Variants in ZBTB38 observed in about 807,000 individuals in gnomAD.
ZBTB38 encodes zinc finger and BTB domain containing 38.
Under a neutral mutation model 76.8 loss-of-function variants are expected in ZBTB38, and 20 were observed. That is an observed-to-expected ratio of 0.26 (90% CI 0.18 to 0.38). ZBTB38 has a LOEUF of 0.38. Ranked by LOEUF, ZBTB38 falls within the 10% of genes least tolerant of loss-of-function variation. The probability of loss-of-function intolerance (pLI) is 1.00; values close to 1 mark genes in which losing one functional copy is unlikely to be tolerated. For missense variants in ZBTB38, 1,082 were observed against 1,482.3 expected, an observed-to-expected ratio of 0.73 and a Z score of 4.43; for synonymous variants, 504 against 544.2, an observed-to-expected ratio of 0.93 and a Z score of 1.03.
At position 141,447,758 on chromosome 3, in the gene ZBTB38, G is replaced by A. The variant is rs1397611167; in HGVS notation, c.*1782G>A. 1 of 152,138 alleles carries A rather than the reference G, an allele frequency of 6.6e-6. No individual in the cohort carries two copies. Among genetic ancestry groups the A allele is most frequent in the Non-Finnish European group, 1.5e-5 (1 of 68,004 alleles). 9.4% of individuals were successfully genotyped at this position (152,138 alleles called of 1,614,324 possible). A position where few individuals can be genotyped will look rare whatever the true frequency, so the allele number is the denominator to read the frequency against. On this transcript the variant is annotated 3_prime_UTR_variant, in exon 6 of 6. Coordinates refer to ENST00000321464, the MANE Select transcript of ZBTB38 (RefSeq NM_001376113.1). Reference sequence around the variant, plus strand: ...AGAAGACTTAGTATGGATTTGGGTGGGTAAGAAAGCATTTAAACGCCCAGG... The same window carrying A: ...AGAAGACTTAGTATGGATTTGGGTGAGTAAGAAAGCATTTAAACGCCCAGG...
chr3:141,340,949 G>A (rs57163724), intron 1 of ZBTB38, among the ~76,000 whole-genome samples: 3,703 of 111,754 alleles, frequency 0.033, 105 homozygotes, highest in African/African-American at 0.061. Context: ...AAAGAAAGAA[G>A]GAAAGAAAGA....
At chr3:141,390,788 G>A (rs1948639018) in intron 4 of ZBTB38, among the ~76,000 whole-genome samples, 1 of 152,210 alleles carries the variant, frequency 6.6e-6, no homozygotes, top group Non-Finnish European at 1.5e-5. Flanking sequence ...GAGGGTGCTT[G>A]CAGGGAGGGG....
chr3:141,399,863 G>C (rs1226766292), intron 4 of ZBTB38, among the ~76,000 whole-genome samples: 1 of 152,080 alleles, frequency 6.6e-6, no homozygotes. Context: ...GAGATTAAAT[G>C]AATGAGGTAG....
At chr3:141,347,611 C>G (rs1217235692) in intron 1 of ZBTB38, among the ~76,000 whole-genome samples, 1 of 152,204 alleles carries the variant, frequency 6.6e-6, no homozygotes, top group Non-Finnish European at 1.5e-5. Flanking sequence ...GCCAGGTCAC[C>G]TAGGCTCCGG....
intron 4 of ZBTB38, among the ~76,000 whole-genome samples, chr3:141,398,589 G>C (rs1229914123): frequency 6.6e-6 from 1 of 151,894 alleles, no homozygotes. Context: ...TGAACCCTCA[G>C]TTCTTTGACA....
At chr3:141,379,910 A>T (rs1258261342) in intron 2 of ZBTB38, among the ~76,000 whole-genome samples, 1 of 152,230 alleles carries the variant, frequency 6.6e-6, no homozygotes, top group Non-Finnish European at 1.5e-5. Flanking sequence ...TTTTGTTTTT[A>T]GTTAAACAAA....
Position 141,442,719 on chromosome 3 carries a change from G to A in ZBTB38, c.331G>A (p.Gly111Arg). 6.2e-7 allele frequency: 1 copy of A among 1,614,100 alleles called. No individual in the cohort carries two copies. The highest frequency in any genetic ancestry group is 8.5e-7 in the Non-Finnish European group (1 of 1,180,024). ...QETVTDLAAAGKKLGISFLED... is the reference protein window; with the variant it reads ...QETVTDLAAARKKLGISFLED... Reference sequence around the variant, plus strand: ...AACAGTCACTGATCTCGCAGCTGCAGGAAAAAAGCTGGGAATATCGTTCTT... The same window carrying A: ...AACAGTCACTGATCTCGCAGCTGCAAGAAAAAAGCTGGGAATATCGTTCTT... The change falls in exon 6 of 6, where the codon GGA (glycine) becomes AGA (arginine). Residue 111 changes from glycine (G) to arginine (R), a missense_variant. Physicochemically the swap from Gly to Arg is moderately radical, Grantham distance 125. Coordinates refer to ENST00000321464, the MANE Select transcript of ZBTB38 (RefSeq NM_001376113.1). The surrounding 1 kb of genome is among the most constrained non-coding windows in gnomAD (Gnocchi z 6.4).
At chr3:141,417,264 T>C (rs1044262748) in intron 5 of ZBTB38, among the ~76,000 whole-genome samples, 1 of 152,212 alleles carries the variant, frequency 6.6e-6, no homozygotes, top group African/African-American at 2.4e-5. Context: ...CCATATGTCA[T>C]TGCACTGTAC....
At chr3:141,375,734 G>A (rs1419505255) in intron 2 of ZBTB38, among the ~76,000 whole-genome samples, 2 of 152,232 alleles carry the variant, frequency 1.3e-5, no homozygotes, top group African/African-American at 2.4e-5. Flanking sequence ...AGGCAGGGAT[G>A]AGTTGAAAGG....
chr3:141,393,777 G>T (rs1188447134), intron 4 of ZBTB38, among the ~76,000 whole-genome samples: 1 of 151,846 alleles, frequency 6.6e-6, no homozygotes, highest in Non-Finnish European at 1.5e-5. Flanking sequence ...GTGGGAAGGG[G>T]TTGCAACTAG....
At chr3:141,431,627 T>C (rs1202988551) in intron 5 of ZBTB38, 1 of 152,060 alleles carries the variant, frequency 6.6e-6, no homozygotes, top group Non-Finnish European at 1.5e-5. Context: ...GCCCATTGCA[T>C]CATTCATGAA....
At chr3:141,390,900 AC>A (rs745876526) in intron 4 of ZBTB38, among the ~76,000 whole-genome samples, 2 of 152,170 alleles carry the variant, frequency 1.3e-5, no homozygotes, top group Non-Finnish European at 2.9e-5. Flanking sequence ...CATGCCTGTA[AC>A]CCCAACACTT....
chr3:141,345,860 G>C (rs560930833), intron 1 of ZBTB38, among the ~76,000 whole-genome samples: 24 of 152,136 alleles, frequency 1.6e-4, no homozygotes, highest in African/African-American at 5.5e-4. Flanking sequence ...AAATCATTGT[G>C]ACAACTGAAG....
At chr3:141,419,353 A>G (rs1260476849) in intron 5 of ZBTB38, among the ~76,000 whole-genome samples, 1 of 152,192 alleles carries the variant, frequency 6.6e-6, no homozygotes, top group Non-Finnish European at 1.5e-5. Context: ...CATATCACAT[A>G]TGTAGTTTTT....
Position 141,443,051 on chromosome 3 carries a change from C to T in ZBTB38, c.663C>T (p.His221=). The T allele has an allele frequency of 6.2e-7, 1 of 1,614,274 alleles. No homozygotes were observed. Among genetic ancestry groups the T allele is most frequent in the Admixed American group, 1.7e-5 (1 of 60,036 alleles). Residue 221 remains histidine, a synonymous_variant, in exon 6 of 6, where the codon CAC becomes CAT. Transcript: ENST00000321464. This position sits in a 1 kb window ranked among gnomAD's most constrained non-coding sequence, Gnocchi z 5.6. ...AGCCTGTCCGCACACTTGCCGAGCA[C>T]TCATACGCTGTTTCTTCCGTAGCTG... is the stretch of plus-strand genomic sequence containing the variant. ...EAEPVRTLAE[H]SYAVSSVAEA...
In ZBTB38 at chr3:141,446,122, A is replaced by G; in HGVS notation, c.*146A>G. 3.8e-6 allele frequency: 3 copies of G among 798,082 alleles called. No individual in the cohort carries two copies. Among genetic ancestry groups the G allele is most frequent in the African/African-American group, 1.8e-5 (1 of 56,952 alleles). The allele number at this position is 798,082 out of a possible 1,614,324, so 49.4% of individuals were successfully genotyped here. On this transcript the variant is annotated 3_prime_UTR_variant, in exon 6 of 6. Transcript: ENST00000321464. The stretch of plus-strand genomic sequence containing the variant: ...ACTCATTTGTGAAAATTCCAGAAAA[A>G]GGATCCTAATATCTACTTTGGGTTT...
intron 5 of ZBTB38, among the ~76,000 whole-genome samples, chr3:141,423,372 AT>A (rs1384044043): frequency 6.6e-6 from 1 of 152,226 alleles, no homozygotes; most frequent in Non-Finnish European, 1.5e-5. Flanking sequence ...AAGCAATAGA[AT>A]GAGATACTAC....
chr3:141,374,384 A>G (rs942990970), intron 2 of ZBTB38, among the ~76,000 whole-genome samples: 1 of 152,142 alleles, frequency 6.6e-6, no homozygotes, highest in African/African-American at 2.4e-5. Flanking sequence ...TGGATGAGTC[A>G]TCTCTCTGCC....
At chr3:141,359,276 C>T (rs1484181946) in intron 1 of ZBTB38, among the ~76,000 whole-genome samples, 1 of 152,146 alleles carries the variant, frequency 6.6e-6, no homozygotes, top group African/African-American at 2.4e-5. Context: ...CATACAATTG[C>T]CTACAGAAAC....
Sources: gnomAD v4.1 joint callset for allele counts (sites outside exome capture counted in the v4.1 genomes callset) on GRCh38, gnomAD v4.1.1 for gene constraint, Gnocchi (gnomAD v3.1) non-coding constraint, MANE v1.5 for transcripts, NCBI Gene and HGNC (gene_info 2026-07-23, HGNC 2026-07-21) for gene names.